Variants in IGSF9B observed in about 807,000 individuals in gnomAD.
IGSF9B encodes immunoglobulin superfamily member 9B, also known as protein turtle homolog B.
In IGSF9B, 48 loss-of-function variants were observed where a neutral mutation model predicts 143.7. The ratio of observed to expected loss-of-function variants is 0.33; its 90% CI spans 0.26 to 0.42. The LOEUF is 0.42. Ranked by LOEUF, IGSF9B falls within the 20% of genes least tolerant of loss-of-function variation. The pLI is 1.00. For synonymous variants in IGSF9B, 903 were observed against 833.1 expected (o/e 1.08, Z -1.44); for missense variants, 1,706 against 1,980.0 (o/e 0.86, Z 2.63).
chr11:133,930,831 C>T (rs1246214859), intron 11 of IGSF9B, among the ~76,000 whole-genome samples, 153 bp downstream of exon 11: 4 of 152,128 alleles, frequency 2.6e-5, no homozygotes, highest in South Asian at 2.1e-4. Flanking sequence ...CAAAGGCTGC[C>T]GGTGCTGGAC....
chr11:133,899,398 C>T lies in IGSF9B; in HGVS notation c.*9671G>A, dbSNP rs1939079284. ...GCTGGAGGTCCCCTCTGACACCCAACCTTACCTCATCTTGCTGAGCAGTGG... is the reference window on the plus strand; with the variant it reads ...GCTGGAGGTCCCCTCTGACACCCAATCTTACCTCATCTTGCTGAGCAGTGG... On this transcript the variant is annotated 3_prime_UTR_variant, in exon 20 of 20. Transcript: ENST00000533871. 1 of 152,514 alleles carries T rather than the reference C, an allele frequency of 6.6e-6. No individual in the cohort carries two copies. 9.4% of individuals were successfully genotyped at this position (152,514 alleles called of 1,614,324 possible).
chr11:133,940,062 A>AC (rs1555095998), intron 3 of IGSF9B, among the ~76,000 whole-genome samples: 2 of 123,908 alleles, frequency 1.6e-5, no homozygotes, highest in Admixed American at 8.0e-5. Context: ...ACGTGTCATC[A>AC]TATACAGAAA....
At chr11:133,947,708 T>TTCTCGTTCTCTCTCTCTCTC (rs1940079697) in intron 1 of IGSF9B, among the ~76,000 whole-genome samples, 1 of 134,800 alleles carries the variant, frequency 7.4e-6, no homozygotes, top group Non-Finnish European at 1.6e-5. Flanking sequence ...TCTGTGTTTG[T>TTCTCGTTCTCTCTCTCTCTC]TCTCTCTCTC....
intron 5 of IGSF9B, 52 bp downstream of exon 5, chr11:133,937,323 TG>T: frequency 7.3e-7 from 1 of 1,373,394 alleles, no homozygotes; most frequent in Non-Finnish European, 1.0e-6. Context: ...TCAGCCGGGC[TG>T]GACATCCCCG....
chr11:133,938,367 C>T (rs1041014966), intron 3 of IGSF9B, among the ~76,000 whole-genome samples: 1 of 152,202 alleles, frequency 6.6e-6, no homozygotes, highest in African/African-American at 2.4e-5. Context: ...TTCCAGGACA[C>T]TTGCCGTCGG....
intron 3 of IGSF9B, among the ~76,000 whole-genome samples, chr11:133,943,117 G>A (rs533957293): frequency 1.6e-4 from 25 of 152,240 alleles, no homozygotes; most frequent in Non-Finnish European, 2.5e-4. Flanking sequence ...AGCCAGGAAC[G>A]TCAATTTCTC....
At chr11:133,940,256 C>A (rs1283533774) in intron 3 of IGSF9B, among the ~76,000 whole-genome samples, 1 of 135,912 alleles carries the variant, frequency 7.4e-6, no homozygotes. Flanking sequence ...CTCGCACGTC[C>A]TCGCACGCGT....
rs745481927 is a variant in IGSF9B at position 133,920,168 on chromosome 11, C to T, written c.3557G>A (p.Arg1186His). ...CACTTGATGTAAACTGGGCTCGGCG[C>T]GCCTGGCCTGCCGAGGGCTAGGCCG... is the stretch of plus-strand genomic sequence containing the variant. The part of the protein sequence containing the change: ...RPRPSPRQAR[R>H]AEPSLHQVVL... The change falls in exon 18 of 20, where the codon CGC becomes CAC. Residue 1186 changes from arginine to histidine, a missense_variant. Physicochemically the swap from Arg to His is conservative, Grantham distance 29. This residue lies in a region of IGSF9B where 880 missense variants were observed against 762.9 expected (regional missense o/e 1.15). Coordinates refer to ENST00000533871, the MANE Select transcript of IGSF9B (RefSeq NM_001277285.4). 3 of 1,508,492 alleles carry T rather than the reference C, an allele frequency of 2.0e-6. No individual in the cohort carries two copies. The highest frequency in any genetic ancestry group is 2.7e-6 in the Non-Finnish European group (3 of 1,128,576). 93.4% of individuals were successfully genotyped at this position (1,508,492 alleles called of 1,614,324 possible). A position where few individuals can be genotyped will look rare whatever the true frequency, so the allele number is the denominator to read the frequency against.
At chr11:133,947,388 A>G (rs1940072975) in intron 1 of IGSF9B, among the ~76,000 whole-genome samples, 1 of 152,142 alleles carries the variant, frequency 6.6e-6, no homozygotes, top group Non-Finnish European at 1.5e-5. Context: ...CTGCCAGTTG[A>G]CCACAGCTTT....
At position 133,920,710 on chromosome 11, in the gene IGSF9B, C is replaced by G. The variant is rs772792973; in HGVS notation, c.3015G>C (p.Gly1005=). The G allele has an allele frequency of 3.7e-6, 6 of 1,613,398 alleles. No homozygotes were observed. The South Asian group carries it at 6.6e-5, about 18-fold the overall frequency. Residue 1005 remains glycine (G), a synonymous_variant, in exon 18 of 20, where the codon GGG becomes GGC. Transcript: ENST00000533871. ...CGGGGATGGTGGGGTGGCCAAAGGG[C>G]CCCTCGGTGGGCAGGGGCGGGGACG... is the stretch of plus-strand genomic sequence containing the variant. ...VMSSPPLPTE[G]PFGHPTIPEE... is the part of the protein sequence containing the mutation.
intron 12 of IGSF9B, among the ~76,000 whole-genome samples, chr11:133,929,311 A>T (rs1156361395): frequency 6.6e-6 from 1 of 152,236 alleles, no homozygotes; most frequent in Non-Finnish European, 1.5e-5. Context: ...TAGACTCTAC[A>T]CTTAAGGCTG....
rs557974392 is a variant in IGSF9B, at chr11:133,931,216, G to A, written c.1369-82C>T. The A allele has an allele frequency of 9.7e-5, 138 of 1,420,556 alleles. 4 individuals carry two copies. The South Asian group carries it at 1.3e-3, about 13-fold the overall frequency. 88.0% of individuals were successfully genotyped at this position (1,420,556 alleles called of 1,614,324 possible). A position where few individuals can be genotyped will look rare whatever the true frequency, so the allele number is the denominator to read the frequency against. On this transcript the variant is annotated intron_variant, in intron 10 of 19. Coordinates refer to ENST00000533871, the MANE Select transcript of IGSF9B (RefSeq NM_001277285.4). The surrounding 1 kb of genome is among the most constrained non-coding windows in gnomAD (Gnocchi z 7.7). ...AGCCCGAAGCAGATGGGGAGGACGC[G>A]CCTGAGACCCCGGCCCGCCCACGCT...
chr11:133,931,978 C>T lies in IGSF9B; in HGVS notation c.1110+93G>A. Reference sequence around the variant, plus strand: ...TTTGCCCAGGGCTTTTGGAAGGGGCCAGGAGTCCTGGCAGAAATCCAGAGC... The same window carrying T: ...TTTGCCCAGGGCTTTTGGAAGGGGCTAGGAGTCCTGGCAGAAATCCAGAGC... On this transcript the variant is annotated intron_variant, in intron 8 of 19. Coordinates refer to ENST00000533871, the MANE Select transcript of IGSF9B (RefSeq NM_001277285.4). This position sits in a 1 kb window ranked among gnomAD's most constrained non-coding sequence, Gnocchi z 7.7. 6.5e-7 allele frequency: 1 copy of T among 1,527,260 alleles called. No individual in the cohort carries two copies. The highest frequency in any genetic ancestry group is 8.8e-7 in the Non-Finnish European group (1 of 1,132,722). The allele number at this position is 1,527,260 out of a possible 1,614,324, so 94.6% of individuals were successfully genotyped here. A position where few individuals can be genotyped will look rare whatever the true frequency, so the allele number is the denominator to read the frequency against.
At position 133,946,071 on chromosome 11, in the gene IGSF9B, A is replaced by C. The variant is rs1466041470; in HGVS notation, c.252T>G (p.Pro84=). The change falls in exon 2 of 20, where the codon CCT becomes CCG. Residue 84 remains proline (P), a synonymous_variant. Transcript: ENST00000533871. ...GTGCCCAGACCTTACCTGCATACTCAGGGTCCACGTGCGGCGGGTAGTAGC... is the reference window on the plus strand; with the variant it reads ...GTGCCCAGACCTTACCTGCATACTCCGGGTCCACGTGCGGCGGGTAGTAGC... ...KFGYYPPHVD[P]EYAGRASLHD... The C allele has an allele frequency of 5.7e-6, 9 of 1,578,690 alleles. No individual in the cohort carries two copies. Among genetic ancestry groups the C allele is most frequent in the Non-Finnish European group, 6.9e-6 (8 of 1,161,070 alleles).
rs1939044830 is a variant in IGSF9B, at chr11:133,897,790, G to A, written c.*11279C>T. 6.6e-6 allele frequency: 1 copy of A among 152,184 alleles called. No individual in the cohort carries two copies. Among genetic ancestry groups the A allele is most frequent in the Admixed American group, 6.5e-5 (1 of 15,278 alleles). The allele number at this position is 152,184 out of a possible 1,614,324, so 9.4% of individuals were successfully genotyped here. On this transcript the variant is annotated 3_prime_UTR_variant, in exon 20 of 20. Coordinates refer to ENST00000533871, the MANE Select transcript of IGSF9B (RefSeq NM_001277285.4). ...AAGTAAGCCTCTAGTTGCCATTCAA[G>A]TTCACACTCAAAGGTGTTCTGTGTG...
At position 133,913,858 on chromosome 11, in the gene IGSF9B, G is replaced by C. The variant is rs1028221310; in HGVS notation, c.3984-1851C>G. Among the ~76,000 whole-genome samples, 2 of 152,234 alleles carry C rather than the reference G, an allele frequency of 1.3e-5. No homozygotes were observed. Among genetic ancestry groups the C allele is most frequent in the Non-Finnish European group, 2.9e-5 (2 of 68,046 alleles). ...TGCTGCCTAGAAGGAAAGTTAATGTGAATCCACCTGTTCAGTCGATCTCTG... is the reference window on the plus strand; with the variant it reads ...TGCTGCCTAGAAGGAAAGTTAATGTCAATCCACCTGTTCAGTCGATCTCTG... On this transcript the variant is annotated intron_variant, in intron 18 of 19. Transcript: ENST00000533871. This position sits in a 1 kb window ranked among gnomAD's most constrained non-coding sequence, Gnocchi z 4.6.
chr11:133,912,169 G>A, intron 18 of IGSF9B, 162 bp from the exon 19 acceptor site: 1 of 857,900 alleles, frequency 1.2e-6, no homozygotes, highest in South Asian at 1.5e-5. Flanking sequence ...CCTTTCTATT[G>A]CTCCTGGAAA....
chr11:133,920,866 G>A lies in IGSF9B; in HGVS notation c.2859C>T (p.Ala953=). 1 of 1,604,930 alleles carries A rather than the reference G, an allele frequency of 6.2e-7. No individual in the cohort carries two copies. The highest frequency in any genetic ancestry group is 8.5e-7 in the Non-Finnish European group (1 of 1,175,476). The change falls in exon 18 of 20, where the codon GCC becomes GCT. Residue 953 remains alanine (A), a synonymous_variant. Transcript: ENST00000533871. Reference sequence around the variant, plus strand: ...GGAAGGGCCGGGGGGCAGGGGGCCGGGCCTGGCCTGTGGCCTGAAGCCGAC... The same window carrying A: ...GGAAGGGCCGGGGGGCAGGGGGCCGAGCCTGGCCTGTGGCCTGAAGCCGAC... ...LEGRLQATGQ[A]RPPAPRPFHH...
At position 133,920,817 on chromosome 11, in the gene IGSF9B, G is replaced by GGTACCC; in HGVS notation, c.2902_2907dup (p.Gly968_Tyr969dup). 1 of 1,606,130 alleles carries GGTACCC rather than the reference G, an allele frequency of 6.2e-7. No homozygotes were observed. Among genetic ancestry groups the GGTACCC allele is most frequent in the Non-Finnish European group, 8.5e-7 (1 of 1,176,286 alleles). ...ACCTCCCCAGGGCTGCTGCTGCTGA[G>GGTACCC]GTACCCATAATACTGGCCATGGTGG... is the stretch of plus-strand genomic sequence containing the variant. On this transcript the variant is annotated inframe_insertion, in exon 18 of 20. Coordinates refer to ENST00000533871, the MANE Select transcript of IGSF9B (RefSeq NM_001277285.4).
Sources: gnomAD v4.1 joint callset for allele counts (sites outside exome capture counted in the v4.1 genomes callset) on GRCh38, gnomAD v4.1.1 for gene constraint, gnomAD v4.1.1 regional missense constraint, Gnocchi (gnomAD v3.1) non-coding constraint, MANE v1.5 for transcripts, NCBI Gene and HGNC (gene_info 2026-07-23, HGNC 2026-07-21) for gene names.